Variants in HEMK1 observed in about 807,000 individuals in gnomAD.
The protein encoded by HEMK1 is MTRF1L release factor glutamine methyltransferase.
HEMK1 carries 36 observed loss-of-function variants against 47.9 expected under a neutral mutation model. The ratio of observed to expected loss-of-function variants is 0.75; its 90% CI spans 0.58 to 0.99. The LOEUF (loss-of-function observed/expected upper bound fraction) is 0.99, where lower values mean the gene tolerates loss of function less well. HEMK1 is among the 50% of genes least tolerant of loss of function. HEMK1 has a pLI of 0.00. For missense variants in HEMK1, 383 were observed against 434.5 expected (o/e 0.88, Z 1.05); for synonymous variants, 153 against 165.4 (o/e 0.93, Z 0.57).
chr3:50,574,039 C>T (rs570133609), intron 4 of HEMK1, among the ~76,000 whole-genome samples: 11 of 152,326 alleles, frequency 7.2e-5, no homozygotes, highest in Non-Finnish European at 1.5e-5. Flanking sequence ...ATAGAGGGTA[C>T]TCATGGGCAC....
intron 4 of HEMK1, among the ~76,000 whole-genome samples, chr3:50,572,710 C>T (rs1701143211): frequency 6.6e-6 from 1 of 152,224 alleles, no homozygotes; most frequent in African/African-American, 2.4e-5. Context: ...ATCTGGTGGC[C>T]CTCTTAGGTC....
Position 50,577,507 on chromosome 3 carries a change from A to G in HEMK1, c.550-2A>G, listed in dbSNP as rs1454442218. 6.2e-7 allele frequency: 1 copy of G among 1,614,044 alleles called. No individual in the cohort carries two copies. Among genetic ancestry groups the G allele is most frequent in the East Asian group, 2.2e-5 (1 of 44,882 alleles). ...CATATCCTCTGTTTGTTCTTGGGAC[A>G]GAGCCGAGTCATTGCTGTGGATAAG... On this transcript the variant is annotated splice_acceptor_variant, in intron 5 of 10. Transcript: ENST00000232854. LOFTEE classifies it high-confidence loss of function.
intron 7 of HEMK1, 92 bp from the exon 8 acceptor site, chr3:50,578,729 C>T (rs2030215375): frequency 3.7e-6 from 3 of 819,512 alleles, no homozygotes; most frequent in Admixed American, 2.2e-5. Flanking sequence ...CAAGGTGTGG[C>T]ATGGTGAGAG....
chr3:50,575,036 TTGGGCCTGGCTGA>T, intron 4 of HEMK1, among the ~76,000 whole-genome samples: 1 of 152,198 alleles, frequency 6.6e-6, no homozygotes, highest in Non-Finnish European at 1.5e-5. Context: ...CTCTGCTCCA[TTGGGCCTGGCTGA>T]TGGCATTGGG....
rs2031636038 is a variant in HEMK1, at chr3:50,589,985, A to G, written c.*9568A>G. 1 of 151,616 alleles carries G rather than the reference A, an allele frequency of 6.6e-6. No homozygotes were observed. The highest frequency in any genetic ancestry group is 1.5e-5 in the Non-Finnish European group (1 of 67,944). 9.4% of individuals were successfully genotyped at this position (151,616 alleles called of 1,614,324 possible). ...CCAAGGATCACAAGGTTAGGAGTTC[A>G]AGACCAGCCTGGCCAACACAGTGAA... On this transcript the variant is annotated 3_prime_UTR_variant, in exon 11 of 11. Transcript: ENST00000232854.
chr3:50,592,182 G>A lies in HEMK1; in HGVS notation c.*11765G>A, dbSNP rs1161888879. 2 of 151,940 alleles carry A rather than the reference G, an allele frequency of 1.3e-5. No individual in the cohort carries two copies. Among genetic ancestry groups the A allele is most frequent in the East Asian group, 3.9e-4 (2 of 5,184 alleles). 9.4% of individuals were successfully genotyped at this position (151,940 alleles called of 1,614,324 possible). ...TGCCCAGTGTCACACAGCAAGGTGAGGCAGGTCTGGGAGGGAAATGAACCA... is the reference window on the plus strand; with the variant it reads ...TGCCCAGTGTCACACAGCAAGGTGAAGCAGGTCTGGGAGGGAAATGAACCA... On this transcript the variant is annotated 3_prime_UTR_variant, in exon 11 of 11. Coordinates refer to ENST00000232854, the MANE Select transcript of HEMK1 (RefSeq NM_016173.5).
In HEMK1 at chr3:50,577,177, G is replaced by A. The variant is rs772791134; in HGVS notation, c.540G>A (p.Gln180=). The A allele has an allele frequency of 6.9e-5, 111 of 1,609,724 alleles. No homozygotes were observed. The highest frequency in any genetic ancestry group is 3.6e-5 in the Non-Finnish European group (43 of 1,178,880). ...SGAISLSLLS[Q]LPQSRVIAVD... is the part of the protein sequence containing the mutation. ...CCATCTCCCTCAGCCTGCTGAGCCA[G>A]CTCCCCCAGGTGAGCCCCTCCACCC... The change falls in exon 5 of 11, where the codon CAG becomes CAA. Residue 180 remains glutamine (Q), a synonymous_variant. Transcript: ENST00000232854.
chr3:50,569,801 G>A (rs1700702149), intron 1 of HEMK1: 2 of 152,256 alleles, frequency 1.3e-5, no homozygotes, highest in Admixed American at 1.3e-4. Context: ...TCTGGAGTCT[G>A]GTGGACTCGG....
At position 50,577,183 on chromosome 3, in the gene HEMK1, C is replaced by A. The variant is rs1429895281; in HGVS notation, c.546C>A (p.Pro182=). 2 of 1,608,390 alleles carry A rather than the reference C, an allele frequency of 1.2e-6. No homozygotes were observed. Among genetic ancestry groups the A allele is most frequent in the African/African-American group, 1.3e-5 (1 of 74,520 alleles). The change falls in exon 5 of 11, where the codon CCC becomes CCA. Residue 182 remains proline (P), a synonymous_variant. Transcript: ENST00000232854. ...CCCTCAGCCTGCTGAGCCAGCTCCC[C>A]CAGGTGAGCCCCTCCACCCACTCTG... The part of the protein sequence containing the change: ...AISLSLLSQL[P]QSRVIAVDKR...
In HEMK1 at chr3:50,571,170, G is replaced by C; in HGVS notation, c.66G>C (p.Arg22=). Residue 22 remains arginine (R), a synonymous_variant, in exon 2 of 11, where the codon CGG becomes CGC. Transcript: ENST00000232854. ...GCCCAGGGAGGAGGGGAAGTACCCGGGGCTGGGCCTTCAGCTCATGGCAAC... is the reference window on the plus strand; with the variant it reads ...GCCCAGGGAGGAGGGGAAGTACCCGCGGCTGGGCCTTCAGCTCATGGCAAC... ...LSGPGRRGST[R]GWAFSSWQPQ... 6.2e-7 allele frequency: 1 copy of C among 1,613,792 alleles called. No homozygotes were observed. The highest frequency in any genetic ancestry group is 1.1e-5 in the South Asian group (1 of 91,042).
chr3:50,577,597 G>T, intron 6 of HEMK1, 24 bp downstream of exon 6: 1 of 1,608,354 alleles, frequency 6.2e-7, no homozygotes, highest in Non-Finnish European at 8.5e-7. Flanking sequence ...TTGCACTTTG[G>T]GGCCTAATCT....
intron 3 of HEMK1, 106 bp downstream of exon 3, chr3:50,571,907 G>C: frequency 3.0e-6 from 4 of 1,352,808 alleles, no homozygotes; most frequent in Non-Finnish European, 4.2e-6. Flanking sequence ...AAGGACTAGG[G>C]AGGTGTTGGG....
intron 4 of HEMK1, among the ~76,000 whole-genome samples, chr3:50,576,280 C>T (rs1701581916): frequency 6.6e-6 from 1 of 152,242 alleles, no homozygotes; most frequent in Non-Finnish European, 1.5e-5. Context: ...CAGGTGGGGC[C>T]TTGACCCCAG....
chr3:50,580,088 T>C, intron 9 of HEMK1, 28 bp from the exon 10 acceptor site: 1 of 1,596,872 alleles, frequency 6.3e-7, no homozygotes, highest in Non-Finnish European at 8.6e-7. Context: ...CCTGTCCTGC[T>C]GAGCCCACCC....
Position 50,582,454 on chromosome 3 carries a change from AT to A in HEMK1, c.*2038del, listed in dbSNP as rs1277610742. On this transcript the variant is annotated 3_prime_UTR_variant, in exon 11 of 11. Transcript: ENST00000232854. Reference sequence around the variant, plus strand: ...TGGAGCCACACCAGCCTGGATTTCAATCCCAGAATCTGCCCCTCACGAGGAT... The same window carrying A: ...TGGAGCCACACCAGCCTGGATTTCAACCCAGAATCTGCCCCTCACGAGGAT... 6.6e-6 allele frequency: 1 copy of A among 152,222 alleles called. No individual in the cohort carries two copies. Among genetic ancestry groups the A allele is most frequent in the Non-Finnish European group, 1.5e-5 (1 of 68,048 alleles). The allele number at this position is 152,222 out of a possible 1,614,324, so 9.4% of individuals were successfully genotyped here.
In HEMK1 at chr3:50,580,589, A is replaced by C. The variant is rs1363413639; in HGVS notation, c.*172A>C. ...ACCTGGATTGGCTCCATCACATCAG[A>C]GTGGCTGAGGGCAGTTGCTCTGTGT... On this transcript the variant is annotated 3_prime_UTR_variant, in exon 11 of 11. Coordinates refer to ENST00000232854, the MANE Select transcript of HEMK1 (RefSeq NM_016173.5). 4.4e-6 allele frequency: 3 copies of C among 677,820 alleles called. No homozygotes were observed. Among genetic ancestry groups the C allele is most frequent in the African/African-American group, 1.8e-5 (1 of 55,436 alleles). The allele number at this position is 677,820 out of a possible 1,614,324, so 42.0% of individuals were successfully genotyped here.
intron 6 of HEMK1, 112 bp downstream of exon 6, chr3:50,577,685 C>A: frequency 7.5e-7 from 1 of 1,341,510 alleles, no homozygotes. Flanking sequence ...GGTAGCCTGG[C>A]ATGGGTCCCA....
intron 4 of HEMK1, among the ~76,000 whole-genome samples, chr3:50,573,422 C>A (rs1701240565): frequency 6.6e-6 from 1 of 152,228 alleles, no homozygotes; most frequent in African/African-American, 2.4e-5. Context: ...TTTGCTGTCT[C>A]CGGCTTCCCA....
chr3:50,584,577 T>C lies in HEMK1; in HGVS notation c.*4160T>C, dbSNP rs907507798. 5.3e-5 allele frequency: 8 copies of C among 151,742 alleles called. No homozygotes were observed. Among genetic ancestry groups the C allele is most frequent in the African/African-American group, 1.9e-4 (8 of 41,262 alleles). The allele number at this position is 151,742 out of a possible 1,614,324, so 9.4% of individuals were successfully genotyped here. On this transcript the variant is annotated 3_prime_UTR_variant, in exon 11 of 11. Coordinates refer to ENST00000232854, the MANE Select transcript of HEMK1 (RefSeq NM_016173.5). ...GTAACAATGGAAGCAGAGGTCAGAG[T>C]GATGCAATTGCTGGAGGAAGAGCCA...
Sources: gnomAD v4.1 joint callset for allele counts (sites outside exome capture counted in the v4.1 genomes callset) on GRCh38, gnomAD v4.1.1 for gene constraint, MANE v1.5 for transcripts, NCBI Gene and HGNC (gene_info 2026-07-23, HGNC 2026-07-21) for gene names.